The following THSD4 variants were observed in gnomAD, a reference collection of about 807,000 sequenced individuals.
The protein encoded by THSD4 is thrombospondin type-1 domain-containing protein 4.
THSD4 carries 69 observed loss-of-function variants against 119.0 expected under a neutral mutation model. The observed-to-expected ratio is 0.58, with a 90% CI of 0.48 to 0.71. The LOEUF (loss-of-function observed/expected upper bound fraction) is 0.71, where lower values mean the gene tolerates loss of function less well. THSD4 is among the 30% of genes least tolerant of loss of function. The pLI is 0.00. For missense variants in THSD4, 1,393 were observed against 1,391.1 expected (o/e 1.00, Z -0.02); for synonymous variants, 524 against 540.4 (o/e 0.97, Z 0.42).
chr15:71,650,211 T>A (rs931740866), intron 7 of THSD4, among the ~76,000 whole-genome samples: 17 of 152,186 alleles, frequency 1.1e-4, no homozygotes, highest in African/African-American at 4.1e-4. Context: ...GTTCTCACGC[T>A]GCAACAATCC....
intron 14 of THSD4, among the ~76,000 whole-genome samples, chr15:71,756,413 G>T (rs28589295): frequency 0.025 from 3,861 of 152,248 alleles, 144 homozygotes; most frequent in African/African-American, 0.089. Flanking sequence ...AGGAGGAATG[G>T]TAACGGTGGT....
chr15:71,362,686 T>C (rs1280889978), intron 6 of THSD4, among the ~76,000 whole-genome samples: 1 of 152,230 alleles, frequency 6.6e-6, no homozygotes, highest in Admixed American at 6.5e-5. Flanking sequence ...TTAATTTCCA[T>C]GCATGGTCCC....
At chr15:71,651,112 G>A (rs529578702) in intron 7 of THSD4, among the ~76,000 whole-genome samples, 2 of 152,102 alleles carry the variant, frequency 1.3e-5, no homozygotes, top group Non-Finnish European at 2.9e-5. Flanking sequence ...TCAAAGGCCT[G>A]CCCCCCAGTG....
At chr15:71,351,350 C>T (rs1367707482) in intron 6 of THSD4, among the ~76,000 whole-genome samples, 2 of 148,188 alleles carry the variant, frequency 1.3e-5, no homozygotes, top group East Asian at 3.9e-4. Flanking sequence ...CATCATATAT[C>T]ATGATTGCAA....
intron 8 of THSD4, among the ~76,000 whole-genome samples, chr15:71,711,644 G>A (rs947796569): frequency 2.7e-5 from 4 of 150,426 alleles, no homozygotes; most frequent in Non-Finnish European, 4.4e-5. Flanking sequence ...GTGATATGCT[G>A]TCTATAAGAA....
chr15:71,548,057 TTTA>T (rs1256812761), intron 7 of THSD4, among the ~76,000 whole-genome samples: 1 of 152,006 alleles, frequency 6.6e-6, no homozygotes. Context: ...ATGAGGATGA[TTTA>T]TTATTACTGG....
rs530892812 is a variant in THSD4 at position 71,764,986 on chromosome 15, T to C, written c.2590-34T>C. On this transcript the variant is annotated intron_variant, in intron 15 of 17. Transcript: ENST00000261862. ...AGTAGCTGCCACCCCCTTTCCATCA[T>C]GTGACACTCATCTTTTTCTGCTTCT... 72 of 1,597,682 alleles carry C rather than the reference T, an allele frequency of 4.5e-5. No homozygotes were observed. In the East Asian group the frequency reaches 1.5e-3, roughly 34 times the overall value.
chr15:71,345,216 A>C, intron 6 of THSD4, among the ~76,000 whole-genome samples: 1 of 68,882 alleles, frequency 1.5e-5, no homozygotes, highest in Non-Finnish European at 2.9e-5. Context: ...GGGGGTGGGT[A>C]GGGGGCAAAG....
chr15:71,478,965 G>C (rs954452926), intron 7 of THSD4, among the ~76,000 whole-genome samples: 1 of 152,162 alleles, frequency 6.6e-6, no homozygotes, highest in African/African-American at 2.4e-5. Context: ...CCACAGGTCT[G>C]CTTTGTATCC....
At chr15:71,108,193 G>C (rs927234701) in intron 1 of THSD4, among the ~76,000 whole-genome samples, 2 of 152,298 alleles carry the variant, frequency 1.3e-5, no homozygotes, top group Non-Finnish European at 2.9e-5. Flanking sequence ...GGTGGGAGCT[G>C]TCCCAGTGCT....
chr15:71,727,587 T>TATATATACACAC (rs2052882975), intron 8 of THSD4, among the ~76,000 whole-genome samples: 2 of 9,278 alleles, frequency 2.2e-4, no homozygotes, highest in African/African-American at 5.1e-4. Flanking sequence ...TATATATATA[T>TATATATACACAC]ACACACACAC....
At chr15:71,432,338 C>G (rs1199635618) in intron 7 of THSD4, among the ~76,000 whole-genome samples, 1 of 152,134 alleles carries the variant, frequency 6.6e-6, no homozygotes, top group East Asian at 1.9e-4. Context: ...GTTCAAAAGA[C>G]TTGATCAAAA....
chr15:71,625,990 C>T (rs2050502247), intron 7 of THSD4, among the ~76,000 whole-genome samples: 1 of 152,170 alleles, frequency 6.6e-6, no homozygotes, highest in Admixed American at 6.5e-5. Context: ...CACATCTCTC[C>T]AGTTATTTAG....
intron 7 of THSD4, among the ~76,000 whole-genome samples, chr15:71,464,712 G>A (rs2047476727): frequency 6.6e-6 from 1 of 152,098 alleles, no homozygotes; most frequent in Admixed American, 6.5e-5. Flanking sequence ...CCCCTAATCA[G>A]AAATTCCTCT....
intron 7 of THSD4, among the ~76,000 whole-genome samples, chr15:71,479,218 T>A (rs2047692716): frequency 7.4e-6 from 1 of 135,142 alleles, no homozygotes; most frequent in South Asian, 2.5e-4. Flanking sequence ...GTGTTTTCAA[T>A]GACTCCCCTA....
At chr15:71,495,711 A>T (rs2048004520) in intron 7 of THSD4, among the ~76,000 whole-genome samples, 1 of 152,174 alleles carries the variant, frequency 6.6e-6, no homozygotes. Flanking sequence ...GAAACCTCCC[A>T]TGTGGGCTGT....
At chr15:71,362,589 G>T (rs2140421821) in intron 6 of THSD4, among the ~76,000 whole-genome samples, 1 of 152,278 alleles carries the variant, frequency 6.6e-6, no homozygotes, top group Admixed American at 6.5e-5. Flanking sequence ...GTTAAAGTGA[G>T]TTAAGGTAAG....
chr15:71,724,869 A>G (rs139615593), intron 8 of THSD4, among the ~76,000 whole-genome samples: 2,680 of 133,956 alleles, frequency 0.02, 46 homozygotes, highest in African/African-American at 0.049. Context: ...TTCTGATTAC[A>G]TGGATGGTGG....
At chr15:71,763,225 A>T (rs2053655101) in intron 15 of THSD4, among the ~76,000 whole-genome samples, 1 of 151,056 alleles carries the variant, frequency 6.6e-6, no homozygotes, top group South Asian at 2.1e-4. Flanking sequence ...GGGGTTTTAT[A>T]ATTTTTTTTT....
Sources: gnomAD v4.1 joint callset for allele counts (sites outside exome capture counted in the v4.1 genomes callset) on GRCh38, gnomAD v4.1.1 for gene constraint, MANE v1.5 for transcripts, NCBI Gene and HGNC (gene_info 2026-07-23, HGNC 2026-07-21) for gene names.